The following PRKCZ variants were observed in gnomAD, a reference collection of about 807,000 sequenced individuals.
PRKCZ encodes the protein protein kinase C zeta type.
Under a neutral mutation model 79.5 loss-of-function variants are expected in PRKCZ, and 33 were observed. The observed-to-expected ratio is 0.41, with a 90% CI of 0.31 to 0.55. The LOEUF is 0.55. Among genes scored for constraint, PRKCZ ranks in the 20% least tolerant of loss-of-function variants. The pLI, the probability that PRKCZ is intolerant of heterozygous loss-of-function variation, is 0.19. For missense variants in PRKCZ, 578 were observed against 813.5 expected, an observed-to-expected ratio of 0.71 and a Z score of 3.52; for synonymous variants, 342 against 320.9, an observed-to-expected ratio of 1.07 and a Z score of -0.70.
At chr1:2,160,872 T>C (rs1056540627) in intron 10 of PRKCZ, among the ~76,000 whole-genome samples, 13 of 151,314 alleles carry the variant, frequency 8.6e-5, no homozygotes, top group Non-Finnish European at 1.5e-4. Flanking sequence ...GTGATTGTGG[T>C]TGTGGGTGTG....
At chr1:2,160,127 T>C (rs1026169960) in intron 10 of PRKCZ, among the ~76,000 whole-genome samples, 7 of 152,222 alleles carry the variant, frequency 4.6e-5, no homozygotes, top group Non-Finnish European at 1.0e-4. Context: ...CACACACCTT[T>C]GCTTATCTGT....
chr1:2,054,398 G>T (rs1164610952), intron 1 of PRKCZ, among the ~76,000 whole-genome samples: 1 of 152,100 alleles, frequency 6.6e-6, no homozygotes, highest in Non-Finnish European at 1.5e-5. Flanking sequence ...CGCAGGGTGA[G>T]ACCAGCTCTT....
chr1:2,135,220 C>A, intron 4 of PRKCZ, 42 bp from the exon 5 acceptor site: 1 of 1,552,288 alleles, frequency 6.4e-7, no homozygotes, highest in Non-Finnish European at 8.9e-7. Flanking sequence ...GGGCTCGTGG[C>A]TGCCACGCTG....
chr1:2,099,925 C>T (rs1479239819), intron 4 of PRKCZ, among the ~76,000 whole-genome samples: 4 of 152,196 alleles, frequency 2.6e-5, no homozygotes, highest in Middle Eastern at 3.2e-3. Context: ...GGGAAAAGAC[C>T]AGACTCCAGG....
In PRKCZ at chr1:2,090,758, G is replaced by T. The variant is rs995705504; in HGVS notation, c.334+31167G>T. ...GCGTCTCGGAGAGAGCCAGTGCAGG[G>T]GGGACCCCACAATCTGGGAGGCCAT... On this transcript the variant is annotated intron_variant, in intron 4 of 17. Coordinates refer to ENST00000378567, the MANE Select transcript of PRKCZ (RefSeq NM_002744.6). Among the ~76,000 whole-genome samples, 4 of 152,262 alleles carry T rather than the reference G, an allele frequency of 2.6e-5. No homozygotes were observed. In the East Asian group the frequency reaches 7.7e-4, roughly 29 times the overall value.
At chr1:2,103,341 G>A (rs1002073638) in intron 4 of PRKCZ, among the ~76,000 whole-genome samples, 1 of 152,242 alleles carries the variant, frequency 6.6e-6, no homozygotes, top group Non-Finnish European at 1.5e-5. Context: ...AGCTGCCGCA[G>A]TAGTAAGGGT....
chr1:2,126,958 C>CT (rs1674029674), intron 4 of PRKCZ, among the ~76,000 whole-genome samples: 1 of 152,242 alleles, frequency 6.6e-6, no homozygotes, highest in Admixed American at 6.5e-5. Flanking sequence ...CTGCCTGTTC[C>CT]TGGGGGTCCG....
intron 4 of PRKCZ, among the ~76,000 whole-genome samples, chr1:2,132,786 C>T (rs1188976350): frequency 6.6e-6 from 1 of 152,228 alleles, no homozygotes; most frequent in Non-Finnish European, 1.5e-5. Context: ...ACGTTTCCAC[C>T]CTTAGTCTCT....
chr1:2,121,476 T>TTAGGGTTATGG (rs1557611177), intron 4 of PRKCZ, among the ~76,000 whole-genome samples: 439 of 38,628 alleles, frequency 0.011, 9 homozygotes, highest in African/African-American at 0.057. Flanking sequence ...ATGGCGGTAG[T>TTAGGGTTATGG]TAGTTAGGGT....
intron 7 of PRKCZ, among the ~76,000 whole-genome samples, chr1:2,148,456 AC>A (rs1332257081): frequency 2.0e-5 from 3 of 151,426 alleles, no homozygotes; most frequent in African/African-American, 7.3e-5. Context: ...TTGTCCACTG[AC>A]CTCTCCATCT....
rs540482116 is a variant in PRKCZ, at chr1:2,155,910, G to A, written c.877-85G>A. The A allele has an allele frequency of 1.6e-5, 18 of 1,160,792 alleles. No homozygotes were observed. In the East Asian group the frequency reaches 3.5e-4, roughly 23 times the overall value. 71.9% of individuals were successfully genotyped at this position (1,160,792 alleles called of 1,614,324 possible). ...TGTCTTCCTGAAAGCGGAGGAAAGA[G>A]ACTCCTCCCTTGCCTCCCCCTTGCC... On this transcript the variant is annotated intron_variant, in intron 9 of 17. Coordinates refer to ENST00000378567, the MANE Select transcript of PRKCZ (RefSeq NM_002744.6).
At chr1:2,076,495 C>G (rs1662448956) in intron 4 of PRKCZ, among the ~76,000 whole-genome samples, 1 of 152,152 alleles carries the variant, frequency 6.6e-6, no homozygotes, top group Non-Finnish European at 1.5e-5. Flanking sequence ...GTATTACCAG[C>G]ACTTTGGGAG....
chr1:2,160,296 G>T (rs1025906278), intron 10 of PRKCZ, among the ~76,000 whole-genome samples: 2 of 150,836 alleles, frequency 1.3e-5, no homozygotes, highest in Admixed American at 6.6e-5. Context: ...AAACCTGCCC[G>T]AAGCTCTGGA....
rs1309760394 is a variant in PRKCZ, at chr1:2,074,676, G to C, written c.334+15085G>C. On this transcript the variant is annotated intron_variant, in intron 4 of 17. Coordinates refer to ENST00000378567, the MANE Select transcript of PRKCZ (RefSeq NM_002744.6). ...TTGGAGTCTGGGTGGCACAGCCAGG[G>C]TTAATGTGCACGGCTCACTCCATCG... 21 of 320,270 alleles carry C rather than the reference G, an allele frequency of 6.6e-5. 1 individual carries two copies. Among genetic ancestry groups the C allele is most frequent in the East Asian group, 5.0e-4 (7 of 13,946 alleles). 19.8% of individuals were successfully genotyped at this position (320,270 alleles called of 1,614,324 possible). A position where few individuals can be genotyped will look rare whatever the true frequency, so the allele number is the denominator to read the frequency against.
rs761856384 is a variant in PRKCZ at position 2,185,068 on chromosome 1, C to T, written c.*59C>T. Reference sequence around the variant, plus strand: ...TTGACCCTTTAACTGTATCCTTAACCACCGCATATGCATGCCAGGCTGGGC... The same window carrying T: ...TTGACCCTTTAACTGTATCCTTAACTACCGCATATGCATGCCAGGCTGGGC... On this transcript the variant is annotated 3_prime_UTR_variant, in exon 18 of 18. Transcript: ENST00000378567. The T allele has an allele frequency of 4.8e-6, 7 of 1,471,364 alleles. No individual in the cohort carries two copies. The highest frequency in any genetic ancestry group is 6.5e-6 in the Non-Finnish European group (7 of 1,069,512). 91.1% of individuals were successfully genotyped at this position (1,471,364 alleles called of 1,614,324 possible).
chr1:2,103,386 GAC>G (rs1447089135), intron 4 of PRKCZ, among the ~76,000 whole-genome samples: 2 of 152,266 alleles, frequency 1.3e-5, no homozygotes, highest in Admixed American at 6.5e-5. Flanking sequence ...ATCAGTTCAA[GAC>G]ACAGTTACAC....
intron 7 of PRKCZ, among the ~76,000 whole-genome samples, chr1:2,146,973 A>G (rs1678674221): frequency 6.6e-6 from 1 of 151,758 alleles, no homozygotes; most frequent in African/African-American, 2.4e-5. Flanking sequence ...TCCACCACCT[A>G]TCCATCTATC....
chr1:2,107,974 A>G (rs1031974159), intron 4 of PRKCZ, among the ~76,000 whole-genome samples: 11 of 148,360 alleles, frequency 7.4e-5, no homozygotes, highest in East Asian at 2.0e-4. Flanking sequence ...GAGCCCCCAG[A>G]CAGTGTCAAG....
chr1:2,099,098 T>C (rs1464214016), intron 4 of PRKCZ, among the ~76,000 whole-genome samples: 1 of 152,128 alleles, frequency 6.6e-6, no homozygotes, highest in Non-Finnish European at 1.5e-5. Context: ...CTTCCGTTGT[T>C]GTCTGTGTTG....
Sources: gnomAD v4.1 joint callset for allele counts (sites outside exome capture counted in the v4.1 genomes callset) on GRCh38, gnomAD v4.1.1 for gene constraint, MANE v1.5 for transcripts, NCBI Gene and HGNC (gene_info 2026-07-23, HGNC 2026-07-21) for gene names.